Variants in DYNC1I1 observed in about 807,000 individuals in gnomAD.
The protein encoded by DYNC1I1 is cytoplasmic dynein 1 intermediate chain 1.
In DYNC1I1, 43 loss-of-function variants were observed where a neutral mutation model predicts 86.6. The ratio of observed to expected loss-of-function variants is 0.50; its 90% CI spans 0.39 to 0.64. DYNC1I1 has a LOEUF of 0.64. DYNC1I1 is among the 30% of genes least tolerant of loss of function. The pLI, the probability that DYNC1I1 is intolerant of heterozygous loss-of-function variation, is 0.00. For missense variants in DYNC1I1, 604 were observed against 788.8 expected, an observed-to-expected ratio of 0.77 and a Z score of 2.81; for synonymous variants, 262 against 283.7, an observed-to-expected ratio of 0.92 and a Z score of 0.77.
intron 10 of DYNC1I1, among the ~76,000 whole-genome samples, chr7:96,000,782 G>T (rs1385176017): frequency 2.0e-5 from 3 of 152,146 alleles, no homozygotes; most frequent in Non-Finnish European, 4.4e-5. Context: ...AGTGATCACT[G>T]GGACACATCT....
chr7:96,018,926 A>G (rs939637375), intron 10 of DYNC1I1, among the ~76,000 whole-genome samples: 1 of 152,068 alleles, frequency 6.6e-6, no homozygotes, highest in Non-Finnish European at 1.5e-5. Context: ...TGTGTTTTCC[A>G]TTTTTCTCCA....
chr7:95,966,987 G>A (rs1413949738), intron 6 of DYNC1I1, among the ~76,000 whole-genome samples: 1 of 152,146 alleles, frequency 6.6e-6, no homozygotes, highest in Non-Finnish European at 1.5e-5. Context: ...TGATCCAACT[G>A]AAACATTGGG....
intron 7 of DYNC1I1, among the ~76,000 whole-genome samples, chr7:95,979,865 C>T (rs1793408024): frequency 1.3e-5 from 2 of 151,984 alleles, no homozygotes; most frequent in Admixed American, 6.6e-5. Flanking sequence ...ATACTAAAAA[C>T]GTCTTTTAAA....
chr7:95,968,022 T>A (rs953736843), intron 6 of DYNC1I1, among the ~76,000 whole-genome samples: 1 of 152,176 alleles, frequency 6.6e-6, no homozygotes, highest in Non-Finnish European at 1.5e-5. Context: ...TTAGTCTGCA[T>A]GTCATAGAAA....
chr7:96,104,287 T>C (rs1341644639), intron 16 of DYNC1I1, among the ~76,000 whole-genome samples: 1 of 152,182 alleles, frequency 6.6e-6, no homozygotes, highest in African/African-American at 2.4e-5. Flanking sequence ...TTGCCAGATA[T>C]GTTTGTTACA....
intron 6 of DYNC1I1, among the ~76,000 whole-genome samples, chr7:95,929,608 C>T (rs1791837225): frequency 6.6e-6 from 1 of 152,158 alleles, no homozygotes; most frequent in Non-Finnish European, 1.5e-5. Context: ...ATATTTTTGA[C>T]ATGAACATAC....
At position 96,042,101 on chromosome 7, in the gene DYNC1I1, C is replaced by A. The variant is rs764957014; in HGVS notation, c.1509+2680C>A. ...ATTTTTTTAAACTACCAAAAAAAAT[C>A]TAAAATCTAAACTACTTCTAGTACT... On this transcript the variant is annotated intron_variant, in intron 14 of 16. Coordinates refer to ENST00000447467, the MANE Select transcript of DYNC1I1 (RefSeq NM_001135556.2). Among the ~76,000 whole-genome samples, 141 of 152,130 alleles carry A rather than the reference C, an allele frequency of 9.3e-4. 1 individual carries two copies. The highest frequency in any genetic ancestry group is 5.7e-4 in the Non-Finnish European group (39 of 67,992).
chr7:95,872,649 G>T (rs1790203363), intron 6 of DYNC1I1, among the ~76,000 whole-genome samples: 1 of 152,144 alleles, frequency 6.6e-6, no homozygotes, highest in South Asian at 2.1e-4. Flanking sequence ...AAATAAGCAA[G>T]ATTTAAGTAT....
chr7:95,790,222 C>T (rs1447006716), intron 1 of DYNC1I1, among the ~76,000 whole-genome samples: 1 of 152,196 alleles, frequency 6.6e-6, no homozygotes, highest in East Asian at 1.9e-4. Flanking sequence ...ACTGTACATC[C>T]TGTGTCCTGT....
intron 6 of DYNC1I1, among the ~76,000 whole-genome samples, chr7:95,973,310 C>G (rs2115602228): frequency 6.6e-6 from 1 of 152,282 alleles, no homozygotes; most frequent in Non-Finnish European, 1.5e-5. Flanking sequence ...ACAAACCAGT[C>G]TCTTGTGTTT....
At chr7:95,943,458 T>C (rs1792298138) in intron 6 of DYNC1I1, among the ~76,000 whole-genome samples, 1 of 148,620 alleles carries the variant, frequency 6.7e-6, no homozygotes, top group Non-Finnish European at 1.5e-5. Context: ...CCAAGGTAAT[T>C]TATAGATTCA....
chr7:95,912,688 T>A (rs1220417647), intron 6 of DYNC1I1, among the ~76,000 whole-genome samples: 2 of 152,140 alleles, frequency 1.3e-5, no homozygotes, highest in Non-Finnish European at 2.9e-5. Flanking sequence ...GCCAGGCAGC[T>A]TTGGAGGCGG....
Position 96,074,456 on chromosome 7 carries a change from TAGG to T in DYNC1I1, c.1510-1598_1510-1596del, listed in dbSNP as rs1052362742. Among the ~76,000 whole-genome samples the T allele has an allele frequency of 1.0e-4, 15 of 144,102 alleles. No individual in the cohort carries two copies. In the Admixed American group the frequency reaches 1.1e-3, roughly 11 times the overall value. 94.5% of individuals were successfully genotyped at this position (144,102 alleles called of 152,430 possible). A position where few individuals can be genotyped will look rare whatever the true frequency, so the allele number is the denominator to read the frequency against. ...GTCCCAGCTACTCGGGAGGCTGAGG[TAGG>T]AGAATGGCGTGAACCCGGGAGGCGG... is the stretch of plus-strand genomic sequence containing the variant. On this transcript the variant is annotated intron_variant, in intron 14 of 16. Transcript: ENST00000447467.
intron 6 of DYNC1I1, among the ~76,000 whole-genome samples, chr7:95,909,419 G>T (rs774606849): frequency 6.6e-6 from 1 of 152,026 alleles, no homozygotes; most frequent in Non-Finnish European, 1.5e-5. Flanking sequence ...TTTTAAACCT[G>T]TGTTTATTGG....
intron 14 of DYNC1I1, among the ~76,000 whole-genome samples, chr7:96,062,051 A>G (rs1789796582): frequency 6.6e-6 from 1 of 152,184 alleles, no homozygotes; most frequent in African/African-American, 2.4e-5. Context: ...GGCCAAGTGG[A>G]CTTGAGAGAG....
At chr7:95,801,017 T>C (rs1258968682) in intron 1 of DYNC1I1, among the ~76,000 whole-genome samples, 2 of 152,260 alleles carry the variant, frequency 1.3e-5, no homozygotes, top group East Asian at 1.9e-4. Flanking sequence ...TTTTACTATG[T>C]GTAAAGTCTC....
At chr7:95,894,085 A>C (rs1435683022) in intron 6 of DYNC1I1, among the ~76,000 whole-genome samples, 1 of 152,042 alleles carries the variant, frequency 6.6e-6, no homozygotes, top group Non-Finnish European at 1.5e-5. Context: ...CTATCAAGTG[A>C]TATTGTAAAT....
At chr7:96,046,113 C>T (rs1261350470) in intron 14 of DYNC1I1, among the ~76,000 whole-genome samples, 2 of 152,136 alleles carry the variant, frequency 1.3e-5, no homozygotes, top group Non-Finnish European at 2.9e-5. Flanking sequence ...GTTTACCTGG[C>T]AAACAGAGAA....
intron 14 of DYNC1I1, among the ~76,000 whole-genome samples, chr7:96,051,303 A>G (rs1402658719): frequency 2.0e-5 from 3 of 152,144 alleles, no homozygotes; most frequent in Non-Finnish European, 2.9e-5. Context: ...TTAGACTTCA[A>G]TGGGCTTATG....
Sources: allele counts gnomAD v4.1 joint callset (sites outside exome capture counted in the v4.1 genomes callset), GRCh38; gene constraint gnomAD v4.1.1; transcripts MANE v1.5; gene names NCBI Gene and HGNC (gene_info 2026-07-23, HGNC 2026-07-21).